Variants in ZNF366 observed in about 807,000 individuals in gnomAD.
ZNF366 encodes the protein zinc finger protein 366, also known as dendritic cell-specific transcript protein.
ZNF366 carries 20 observed loss-of-function variants against 47.2 expected under a neutral mutation model. The ratio of observed to expected loss-of-function variants is 0.42; its 90% confidence interval spans 0.30 to 0.62. The LOEUF is 0.62. Among genes scored for constraint, ZNF366 ranks in the 20% least tolerant of loss-of-function variants. The pLI is 0.16. For missense variants in ZNF366, 987 were observed against 976.3 expected, an observed-to-expected ratio of 1.01 and a Z score of -0.15; for synonymous variants, 421 against 395.1, an observed-to-expected ratio of 1.07 and a Z score of -0.78.
intron 1 of ZNF366, among the ~76,000 whole-genome samples, chr5:72,494,947 AC>A (rs1319413135): frequency 6.6e-6 from 1 of 151,962 alleles, no homozygotes; most frequent in East Asian, 1.9e-4. Flanking sequence ...AACTGGCTCA[AC>A]CCCCCGCATA....
chr5:72,472,504 C>T (rs1580244143), intron 1 of ZNF366: 2 of 982,444 alleles, frequency 2.0e-6, no homozygotes, highest in Non-Finnish European at 1.2e-6. Context: ...TTCTGTAGAA[C>T]AGAGGAAGAA....
chr5:72,487,361 T>G (rs1053834878), intron 1 of ZNF366, among the ~76,000 whole-genome samples: 2 of 152,220 alleles, frequency 1.3e-5, no homozygotes, highest in Admixed American at 6.5e-5. Flanking sequence ...AAACCTGCTT[T>G]GCTCTAAACA....
chr5:72,465,073 A>G (rs1415505957), intron 1 of ZNF366, among the ~76,000 whole-genome samples: 1 of 152,148 alleles, frequency 6.6e-6, no homozygotes, highest in Non-Finnish European at 1.5e-5. Context: ...AAGAAAAAGA[A>G]AAAGAAAAAA....
In ZNF366 at chr5:72,444,368, G is replaced by A. The variant is rs1283453643; in HGVS notation, c.1700-77C>T. 5 of 1,496,984 alleles carry A rather than the reference G, an allele frequency of 3.3e-6. No homozygotes were observed. The African/African-American group carries it at 4.2e-5, about 13-fold the overall frequency. 92.7% of individuals were successfully genotyped at this position (1,496,984 alleles called of 1,614,324 possible). A position where few individuals can be genotyped will look rare whatever the true frequency, so the allele number is the denominator to read the frequency against. ...GGACCTTGAGGAAGGGGAGCAGCCC[G>A]GGGCCGTTTAATGTATTCCGATGCG... On this transcript the variant is annotated intron_variant, in intron 4 of 4. Transcript: ENST00000318442.
intron 3 of ZNF366, among the ~76,000 whole-genome samples, chr5:72,455,648 C>T (rs915008794): frequency 7.2e-5 from 11 of 152,250 alleles, no homozygotes; most frequent in Admixed American, 7.2e-4. Context: ...TGAGTAATGC[C>T]CGTCAGCGCC....
At chr5:72,446,025 T>C (rs1742951371) in intron 4 of ZNF366, among the ~76,000 whole-genome samples, 1 of 152,196 alleles carries the variant, frequency 6.6e-6, no homozygotes, top group Non-Finnish European at 1.5e-5. Context: ...TGTCTATCTG[T>C]TTATGAATAT....
chr5:72,452,245 C>T (rs1258695984), intron 3 of ZNF366, among the ~76,000 whole-genome samples: 1 of 152,146 alleles, frequency 6.6e-6, no homozygotes, highest in African/African-American at 2.4e-5. Flanking sequence ...GTGTTCCTTT[C>T]CTCAAAGGGA....
Position 72,443,270 on chromosome 5 carries a change from A to G in ZNF366, c.*486T>C, listed in dbSNP as rs1274526377. On this transcript the variant is annotated 3_prime_UTR_variant, in exon 5 of 5. Transcript: ENST00000318442. ...AGCTCATCCTCCTGTGCCATTTCTG[A>G]CATTTTTGGTTATAGAATAAAGGCT... 6.5e-6 allele frequency: 1 copy of G among 152,942 alleles called. No homozygotes were observed. The highest frequency in any genetic ancestry group is 1.5e-5 in the Non-Finnish European group (1 of 68,602). The allele number at this position is 152,942 out of a possible 1,614,324, so 9.5% of individuals were successfully genotyped here. A position where few individuals can be genotyped will look rare whatever the true frequency, so the allele number is the denominator to read the frequency against.
At position 72,460,334 on chromosome 5, in the gene ZNF366, C is replaced by G; in HGVS notation, c.1163G>C (p.Arg388Pro). 1 of 1,614,220 alleles carries G rather than the reference C, an allele frequency of 6.2e-7. No individual in the cohort carries two copies. The highest frequency in any genetic ancestry group is 8.5e-7 in the Non-Finnish European group (1 of 1,180,040). ...GGAGCAGTTGTACTGGATGGGGCCC[C>G]GGTGCGTGGTGAGGTGTCTCTTCAG... Reference protein sequence around the residue: ...AQLKRHLTTHRGPIQYNCSEC... With the variant: ...AQLKRHLTTHPGPIQYNCSEC... The change falls in exon 2 of 5, where the codon CGG becomes CCG. Residue 388 changes from arginine (R) to proline (P), a missense_variant. Transcript: ENST00000318442.
At chr5:72,484,641 C>G (rs958070224) in intron 1 of ZNF366, among the ~76,000 whole-genome samples, 3 of 152,094 alleles carry the variant, frequency 2.0e-5, no homozygotes, top group African/African-American at 7.2e-5. Flanking sequence ...TTCCACCTTT[C>G]AGATATCATA....
Position 72,460,856 on chromosome 5 carries a change from G to T in ZNF366, c.641C>A (p.Pro214His). 6.2e-7 allele frequency: 1 copy of T among 1,614,074 alleles called. No individual in the cohort carries two copies. Among genetic ancestry groups the T allele is most frequent in the Non-Finnish European group, 8.5e-7 (1 of 1,179,978 alleles). The change falls in exon 2 of 5, where the codon CCC becomes CAC. Residue 214 changes from proline to histidine, a missense_variant. Coordinates refer to ENST00000318442, the MANE Select transcript of ZNF366 (RefSeq NM_152625.3). ...GCTCTCCTGGGGCTCGGCTTTCCGG[G>T]GCAGCAGAGGTTCCGGGGGCTGCTT... ...LPKQPPEPLL[P>H]RKAEPQESEE...
chr5:72,443,788 T>C lies in ZNF366; in HGVS notation c.2203A>G (p.Met735Val), dbSNP rs746586512. Residue 735 changes from methionine (M) to valine (V), a missense_variant, in exon 5 of 5, where the codon ATG becomes GTG. By Grantham distance (21) the Met-to-Val change is conservative. Coordinates refer to ENST00000318442, the MANE Select transcript of ZNF366 (RefSeq NM_152625.3). ...ESLKELLERK[M>V]EKQAVLLGI ...CCTAAAAGCACTGCTTGTTTTTCCA[T>C]TTTCCTCTCCAGTAATTCTTTCAAA... is the stretch of plus-strand genomic sequence containing the variant. The C allele has an allele frequency of 3.8e-5, 61 of 1,613,486 alleles. No individual in the cohort carries two copies. Among genetic ancestry groups the C allele is most frequent in the Non-Finnish European group, 4.8e-5 (57 of 1,179,788 alleles).
intron 4 of ZNF366, among the ~76,000 whole-genome samples, chr5:72,445,658 G>C: frequency 6.6e-6 from 1 of 152,150 alleles, no homozygotes; most frequent in East Asian, 1.9e-4. Context: ...GCAGCAGTGT[G>C]GGGTAAATCA....
In ZNF366 at chr5:72,454,843, G is replaced by GT. The variant is rs1192374368; in HGVS notation, c.1524+1560dup. Among the ~76,000 whole-genome samples, 104 of 152,160 alleles carry GT rather than the reference G, an allele frequency of 6.8e-4. 1 individual carries two copies. Among genetic ancestry groups the GT allele is most frequent in the Non-Finnish European group, 1.5e-4 (10 of 68,030 alleles). ...GTGAAGTGGGAAGGAAATGAAAGAA[G>GT]TCCCTAAAGAGAGAGAGAAGAGGAG... On this transcript the variant is annotated intron_variant, in intron 3 of 4. Transcript: ENST00000318442.
chr5:72,451,809 G>C (rs1188400178), intron 3 of ZNF366, among the ~76,000 whole-genome samples: 1 of 152,240 alleles, frequency 6.6e-6, no homozygotes, highest in African/African-American at 2.4e-5. Flanking sequence ...AGGGCTGGGA[G>C]AGGGCCGAGT....
chr5:72,454,481 C>G lies in ZNF366; in HGVS notation c.1524+1923G>C, dbSNP rs1443392114. Among the ~76,000 whole-genome samples, 10 of 152,214 alleles carry G rather than the reference C, an allele frequency of 6.6e-5. No homozygotes were observed. In the South Asian group the frequency reaches 2.1e-3, roughly 32 times the overall value. On this transcript the variant is annotated intron_variant, in intron 3 of 4. Coordinates refer to ENST00000318442, the MANE Select transcript of ZNF366 (RefSeq NM_152625.3). ...ACCTACACTGGCTTTGCCCCCTGAC[C>G]TAACCCTATATTTCAGGAACGTTTT...
chr5:72,507,049 T>C (rs1435784019), intron 1 of ZNF366, among the ~76,000 whole-genome samples: 1 of 152,200 alleles, frequency 6.6e-6, no homozygotes, highest in Non-Finnish European at 1.5e-5. Context: ...ATTCTATTTC[T>C]AGTTTTGCCA....
Position 72,460,867 on chromosome 5 carries a change from T to A in ZNF366, c.630A>T (p.Glu210Asp). 1 of 1,613,784 alleles carries A rather than the reference T, an allele frequency of 6.2e-7. No homozygotes were observed. Among genetic ancestry groups the A allele is most frequent in the African/African-American group, 1.3e-5 (1 of 74,986 alleles). The change falls in exon 2 of 5, where the codon GAA (glutamate) becomes GAT (aspartate). Residue 210 changes from glutamate (E) to aspartate (D), a missense_variant. By Grantham distance (45) the Glu-to-Asp change is conservative. Transcript: ENST00000318442. ...RHTFLPKQPP[E>D]PLLPRKAEPQ... ...GCTCGGCTTTCCGGGGCAGCAGAGG[T>A]TCCGGGGGCTGCTTGGGCAGGAAGG...
intron 1 of ZNF366, among the ~76,000 whole-genome samples, chr5:72,491,556 T>G (rs994344955): frequency 5.3e-5 from 8 of 152,188 alleles, no homozygotes; most frequent in Non-Finnish European, 1.2e-4. Context: ...CACAGTTTCC[T>G]CCTGTGGAAA....
Sources: allele counts gnomAD v4.1 joint callset (sites outside exome capture counted in the v4.1 genomes callset), GRCh38; gene constraint gnomAD v4.1.1; transcripts MANE v1.5; gene names NCBI Gene and HGNC (gene_info 2026-07-23, HGNC 2026-07-21).